Variants in FSTL4 observed in about 807,000 individuals in gnomAD.
FSTL4 encodes follistatin like 4.
In FSTL4, 28 loss-of-function variants were observed where a neutral mutation model predicts 78.2. The ratio of observed to expected loss-of-function variants is 0.36; its 90% confidence interval spans 0.27 to 0.49. FSTL4 has a LOEUF of 0.49. FSTL4 is among the 20% of genes least tolerant of loss of function. The pLI, the probability that FSTL4 is intolerant of heterozygous loss-of-function variation, is 0.98. For synonymous variants in FSTL4, 422 were observed against 440.5 expected (o/e 0.96, Z 0.53); for missense variants, 922 against 1,084.9 (o/e 0.85, Z 2.11).
chr5:133,395,594 C>T (rs1756009900), intron 4 of FSTL4, among the ~76,000 whole-genome samples: 1 of 152,200 alleles, frequency 6.6e-6, no homozygotes, highest in Non-Finnish European at 1.5e-5. Context: ...CCCTGCTTGG[C>T]ACACAAGGCC....
chr5:133,350,494 C>G (rs1353764716), intron 4 of FSTL4, among the ~76,000 whole-genome samples: 1 of 152,248 alleles, frequency 6.6e-6, no homozygotes, highest in East Asian at 1.9e-4. Flanking sequence ...TTCACTCCCT[C>G]TCTTCCTTCT....
At chr5:133,698,474 T>C in the FSTL4 span, among the ~76,000 whole-genome samples, 53,229 of 152,156 alleles carry the variant, frequency 0.35, 10,202 homozygotes, top group African/African-American at 0.51. Flanking sequence ...GCACTGTCTC[T>C]GTCAGCCTCC....
At chr5:133,662,828 C>T in the FSTL4 span, among the ~76,000 whole-genome samples, 2 of 152,128 alleles carry the variant, frequency 1.3e-5, no homozygotes, top group African/African-American at 4.8e-5. Context: ...ACTCTTCCAT[C>T]CTAAGCCAAA....
At chr5:133,253,191 C>T (rs1164581441) in intron 6 of FSTL4, among the ~76,000 whole-genome samples, 2 of 152,222 alleles carry the variant, frequency 1.3e-5, no homozygotes, top group Non-Finnish European at 2.9e-5. Context: ...CAACAAGCCT[C>T]CCCCTGGCGG....
chr5:133,758,866 A>C, the FSTL4 span, among the ~76,000 whole-genome samples: 2 of 152,204 alleles, frequency 1.3e-5, no homozygotes, highest in Non-Finnish European at 2.9e-5. Flanking sequence ...TGGCAAGTTG[A>C]TGCTGCTGCT....
At chr5:133,352,787 C>T (rs1580642526) in intron 4 of FSTL4, among the ~76,000 whole-genome samples, 1 of 152,258 alleles carries the variant, frequency 6.6e-6, no homozygotes, top group South Asian at 2.1e-4. Context: ...GGAACTCCTT[C>T]TTTTTTATGG....
At chr5:133,544,941 T>C (rs1308020448) in intron 3 of FSTL4, among the ~76,000 whole-genome samples, 2 of 152,234 alleles carry the variant, frequency 1.3e-5, no homozygotes, top group African/African-American at 4.8e-5. Flanking sequence ...TCTGAGCTTT[T>C]GGGCAGTGGA....
rs1013995650 is a variant in FSTL4 at position 133,565,975 on chromosome 5, C to T, written c.160+1211G>A. Among the ~76,000 whole-genome samples the T allele has an allele frequency of 1.1e-4, 17 of 152,196 alleles. 1 individual carries two copies. Among genetic ancestry groups the T allele is most frequent in the Admixed American group, 4.6e-4 (7 of 15,278 alleles). On this transcript the variant is annotated intron_variant, in intron 3 of 15. Transcript: ENST00000265342. The stretch of plus-strand genomic sequence containing the variant: ...AGTACCCATTGTGAACACTACTTTC[C>T]ATAAGAAACCTCCTTCCCAGCTCCA...
intron 3 of FSTL4, among the ~76,000 whole-genome samples, chr5:133,404,785 T>A (rs1043033064): frequency 6.6e-6 from 1 of 152,104 alleles, no homozygotes; most frequent in South Asian, 2.1e-4. Flanking sequence ...TGAGTCTACA[T>A]CCACATGGAG....
chr5:133,571,152 A>G (rs1760145543), intron 2 of FSTL4, among the ~76,000 whole-genome samples: 1 of 152,206 alleles, frequency 6.6e-6, no homozygotes, highest in Non-Finnish European at 1.5e-5. Flanking sequence ...TTTTGAAAGT[A>G]CATGGTACTA....
At chr5:133,778,741 G>T in the FSTL4 span, among the ~76,000 whole-genome samples, 1 of 152,144 alleles carries the variant, frequency 6.6e-6, no homozygotes, top group Admixed American at 6.5e-5. Context: ...GCCTCAGAAG[G>T]GTTTCGGCAC....
At chr5:133,607,219 T>G (rs1760996369) in intron 1 of FSTL4, among the ~76,000 whole-genome samples, 1 of 152,210 alleles carries the variant, frequency 6.6e-6, no homozygotes, top group Admixed American at 6.5e-5. Flanking sequence ...TAACGGTGAT[T>G]GACAATTCAT....
chr5:133,606,008 C>T (rs1723526518), intron 1 of FSTL4, among the ~76,000 whole-genome samples: 1 of 152,208 alleles, frequency 6.6e-6, no homozygotes, highest in South Asian at 2.1e-4. Flanking sequence ...GGCTTCTGCG[C>T]TCTTGATCCA....
chr5:133,605,942 G>A (rs115437443), intron 1 of FSTL4, among the ~76,000 whole-genome samples: 64 of 152,162 alleles, frequency 4.2e-4, no homozygotes, highest in African/African-American at 1.3e-3. Flanking sequence ...GCTGCCACCC[G>A]GGAGAGGACT....
rs1324687029 is a variant in FSTL4 at position 133,440,605 on chromosome 5, A to G, written c.161-39619T>C. Among the ~76,000 whole-genome samples the G allele has an allele frequency of 6.6e-6, 1 of 152,150 alleles. No homozygotes were observed. The highest frequency in any genetic ancestry group is 2.4e-5 in the African/African-American group (1 of 41,434). On this transcript the variant is annotated intron_variant, in intron 3 of 15. Transcript: ENST00000265342. The surrounding 1 kb of genome is among the most constrained non-coding windows in gnomAD (Gnocchi z 4.1). ...AAGGAGGGCTAATAGTTTTCCATGG[A>G]GCTGGGTCACCTCCCTGGAGGCACA... is the stretch of plus-strand genomic sequence containing the variant.
intron 3 of FSTL4, among the ~76,000 whole-genome samples, chr5:133,415,286 C>T (rs989367338): frequency 1.3e-5 from 2 of 152,132 alleles, no homozygotes; most frequent in African/African-American, 2.4e-5. Context: ...TGGTAGCATC[C>T]GAAAGTGAAG....
chr5:133,499,026 T>C (rs10155610), intron 3 of FSTL4, among the ~76,000 whole-genome samples: 1,873 of 104,964 alleles, frequency 0.018, 38 homozygotes, highest in African/African-American at 0.067. Context: ...CACACACACA[T>C]TGCACTCGCA....
intron 6 of FSTL4, among the ~76,000 whole-genome samples, chr5:133,277,008 A>T (rs1319551205): frequency 1.3e-5 from 2 of 152,176 alleles, no homozygotes; most frequent in Non-Finnish European, 2.9e-5. Context: ...TTACTCTGTG[A>T]TATTAGAAAG....
chr5:133,250,344 A>G (rs371198804), intron 6 of FSTL4, among the ~76,000 whole-genome samples: 2 of 152,202 alleles, frequency 1.3e-5, no homozygotes, highest in African/African-American at 4.8e-5. Flanking sequence ...CAAATGACCA[A>G]ATGGGATCAG....
Sources: gnomAD v4.1 joint callset for allele counts (sites outside exome capture counted in the v4.1 genomes callset) on GRCh38, gnomAD v4.1.1 for gene constraint, Gnocchi (gnomAD v3.1) non-coding constraint, MANE v1.5 for transcripts, NCBI Gene and HGNC (gene_info 2026-07-23, HGNC 2026-07-21) for gene names.